The following THEMIS variants were observed in gnomAD, a reference collection of about 807,000 sequenced individuals.
The protein encoded by THEMIS is thymocyte selection associated.
In THEMIS, 37 loss-of-function variants were observed where a neutral mutation model predicts 52.6. That is an observed-to-expected ratio of 0.70 (90% CI 0.54 to 0.93). THEMIS has a LOEUF of 0.93. Ranked by LOEUF, THEMIS falls within the 40% of genes least tolerant of loss-of-function variation. The pLI is 0.00. For missense variants in THEMIS, 808 were observed against 763.1 expected (o/e 1.06, Z -0.69); for synonymous variants, 292 against 272.7 (o/e 1.07, Z -0.70).
chr6:127,762,749 T>C (rs576864612), intron 4 of THEMIS, among the ~76,000 whole-genome samples: 1 of 152,218 alleles, frequency 6.6e-6, no homozygotes, highest in South Asian at 2.1e-4. Context: ...CATAATGCAC[T>C]GAAAACTATA....
chr6:127,724,659 A>G (rs1025501522), intron 4 of THEMIS, among the ~76,000 whole-genome samples: 11 of 152,208 alleles, frequency 7.2e-5, no homozygotes, highest in African/African-American at 2.6e-4. Context: ...AATCATTACA[A>G]TCCTGTCTGC....
At chr6:127,729,027 C>A (rs1354391422) in intron 4 of THEMIS, among the ~76,000 whole-genome samples, 2 of 152,032 alleles carry the variant, frequency 1.3e-5, no homozygotes, top group Non-Finnish European at 2.9e-5. Context: ...TTCTTCCTTG[C>A]CTCACTTGTT....
intron 3 of THEMIS, among the ~76,000 whole-genome samples, chr6:127,824,078 A>G (rs926083432): frequency 2.6e-5 from 4 of 152,156 alleles, no homozygotes; most frequent in African/African-American, 9.7e-5. Context: ...CCAGGAGGCT[A>G]AAAACACAGG....
downstream of THEMIS, among the ~76,000 whole-genome samples, chr6:127,703,167 C>T (rs2114431988): frequency 6.7e-6 from 1 of 149,026 alleles, no homozygotes; most frequent in East Asian, 2.0e-4. Flanking sequence ...CCTGCCTCAG[C>T]CTCTCGAGTA....
intron 4 of THEMIS, among the ~76,000 whole-genome samples, chr6:127,802,812 C>T (rs1039220515): frequency 2.0e-5 from 3 of 152,066 alleles, no homozygotes; most frequent in African/African-American, 7.2e-5. Context: ...CCCAAGGAGA[C>T]CTCTAGCCTT....
chr6:127,796,468 G>A (rs530739043), intron 4 of THEMIS, among the ~76,000 whole-genome samples: 1 of 152,320 alleles, frequency 6.6e-6, no homozygotes, highest in South Asian at 2.1e-4. Context: ...CAGTCGGAAT[G>A]CCTGTATTGA....
chr6:127,864,960 C>T (rs972179883), intron 1 of THEMIS, among the ~76,000 whole-genome samples: 1 of 152,138 alleles, frequency 6.6e-6, no homozygotes, highest in Non-Finnish European at 1.5e-5. Context: ...TCCAATTGTC[C>T]TCTCCCAGTG....
intron 2 of THEMIS, among the ~76,000 whole-genome samples, chr6:127,832,795 T>TTTTTTTG: frequency 7.4e-6 from 1 of 135,936 alleles, no homozygotes; most frequent in South Asian, 2.4e-4. Context: ...TTTTTTTTTT[T>TTTTTTTG]TTTTTTGAGA....
intron 1 of THEMIS, among the ~76,000 whole-genome samples, chr6:127,894,191 A>T (rs193160284): frequency 4.6e-5 from 7 of 152,218 alleles, no homozygotes; most frequent in African/African-American, 1.7e-4. Flanking sequence ...AACTCAAGCT[A>T]TTTGGCATAT....
chr6:127,766,871 A>G (rs1776217716), intron 4 of THEMIS, among the ~76,000 whole-genome samples: 1 of 152,210 alleles, frequency 6.6e-6, no homozygotes, highest in African/African-American at 2.4e-5. Context: ...GTGAGTGACT[A>G]TGAAGGCCTA....
intron 4 of THEMIS, among the ~76,000 whole-genome samples, chr6:127,770,935 G>C (rs936314201): frequency 6.6e-6 from 1 of 151,916 alleles, no homozygotes; most frequent in Non-Finnish European, 1.5e-5. Context: ...AATCAGGCAA[G>C]AGAAAGAAAT....
chr6:127,855,836 A>G (rs1371655264), intron 1 of THEMIS, among the ~76,000 whole-genome samples: 3 of 151,942 alleles, frequency 2.0e-5, no homozygotes, highest in Non-Finnish European at 4.4e-5. Flanking sequence ...CTTTTATCAT[A>G]GATGCTACAG....
chr6:127,814,995 CA>C (rs1480700156), intron 3 of THEMIS, among the ~76,000 whole-genome samples: 2 of 151,902 alleles, frequency 1.3e-5, no homozygotes, highest in African/African-American at 4.8e-5. Flanking sequence ...TGTCTCTGTA[CA>C]AAAATTAGAA....
At chr6:127,819,143 AAAAAAAG>A (rs1328858683) in intron 3 of THEMIS, among the ~76,000 whole-genome samples, 27 of 149,884 alleles carry the variant, frequency 1.8e-4, no homozygotes, top group South Asian at 4.2e-4. Context: ...AAAAAAAAAA[AAAAAAAG>A]AAAGAAATTA....
chr6:127,731,864 A>ATTTTTGTTTTTTTTTTTTTTTTTTTTTTT (rs1774813845), intron 4 of THEMIS, among the ~76,000 whole-genome samples: 1 of 41,704 alleles, frequency 2.4e-5, no homozygotes, highest in Admixed American at 4.6e-4. Flanking sequence ...TGCCCGGCTA[A>ATTTTTGTTTTTTTTTTTTTTTTTTTTTTT]TTTTTTTTTT....
intron 1 of THEMIS, among the ~76,000 whole-genome samples, chr6:127,874,974 C>T (rs564374152): frequency 6.6e-5 from 10 of 152,314 alleles, no homozygotes; most frequent in African/African-American, 1.7e-4. Context: ...ATCAGATCAG[C>T]GGGCATTAGA....
At chr6:127,862,986 C>A (rs1346929134) in intron 1 of THEMIS, among the ~76,000 whole-genome samples, 1 of 152,036 alleles carries the variant, frequency 6.6e-6, no homozygotes, top group Non-Finnish European at 1.5e-5. Context: ...CTTTAAGCAC[C>A]CTTGGCTAAT....
intron 2 of THEMIS, among the ~76,000 whole-genome samples, chr6:127,851,396 A>G (rs994708489): frequency 6.6e-6 from 1 of 151,714 alleles, no homozygotes; most frequent in Non-Finnish European, 1.5e-5. Flanking sequence ...CAAAAGAATG[A>G]GAAGACAGGC....
At chr6:127,730,014 A>G (rs781520360) in intron 4 of THEMIS, among the ~76,000 whole-genome samples, 1 of 152,170 alleles carries the variant, frequency 6.6e-6, no homozygotes. Context: ...TCATGTCTGT[A>G]ATCCCTGCGC....
Sources: allele counts gnomAD v4.1 joint callset (sites outside exome capture counted in the v4.1 genomes callset), GRCh38; gene constraint gnomAD v4.1.1; transcripts MANE v1.5; gene names NCBI Gene and HGNC (gene_info 2026-07-23, HGNC 2026-07-21).